TNFRSF13B: variants seen among roughly 807,000 people sequenced by gnomAD.
TNFRSF13B encodes the protein tumor necrosis factor receptor superfamily member 13B.
Under a neutral mutation model 24.0 loss-of-function variants are expected in TNFRSF13B, and 34 were observed. The observed-to-expected ratio is 1.41, with a 90% CI of 1.08 to 1.88. The LOEUF is 1.88. TNFRSF13B is among the 40% of genes most tolerant of loss of function. The probability of loss-of-function intolerance (pLI) is 0.00; values close to 1 mark genes in which losing one functional copy is unlikely to be tolerated. For synonymous variants in TNFRSF13B, 173 were observed against 150.3 expected, an observed-to-expected ratio of 1.15 and a Z score of -1.10; for missense variants, 415 against 380.8, an observed-to-expected ratio of 1.09 and a Z score of -0.75.
Position 16,948,747 on chromosome 17 carries a change from C to G in TNFRSF13B, c.436G>C (p.Ala146Pro), listed in dbSNP as rs2143656281. 6.2e-7 allele frequency: 1 copy of G among 1,614,030 alleles called. No homozygotes were observed. Among genetic ancestry groups the G allele is most frequent in the East Asian group, 2.2e-5 (1 of 44,884 alleles). The change falls in exon 3 of 5, where the codon GCA becomes CCA. Residue 146 changes from alanine (A) to proline (P), a missense_variant. Ala to Pro is a conservative substitution (Grantham distance 27, BLOSUM62 -1). Transcript: ENST00000261652. ...GCCTTGGGTGGCTTACCTGGACTTG[C>G]TTCTGAGCCTCTGTGCTCCAATCCT... ...YQGLEHRGSE[A>P]SPALPGLKLS...
intron 3 of TNFRSF13B, chr17:16,941,254 G>A (rs1597657385): frequency 1.0e-6 from 1 of 987,912 alleles, no homozygotes; most frequent in Non-Finnish European, 1.2e-6. Context: ...AGGGCCCACT[G>A]TGTTTGAGAG....
intron 1 of TNFRSF13B, among the ~76,000 whole-genome samples, chr17:16,964,194 T>C (rs2143682615): frequency 6.6e-6 from 1 of 152,166 alleles, no homozygotes; most frequent in East Asian, 1.9e-4. Context: ...AGATGGCTTT[T>C]GGTTTCTGTG....
intron 1 of TNFRSF13B, among the ~76,000 whole-genome samples, chr17:16,953,073 C>T (rs2087601445): frequency 6.6e-6 from 1 of 152,252 alleles, no homozygotes; most frequent in South Asian, 2.1e-4. Context: ...CACACTCGCA[C>T]TGCCCTTTAC....
At chr17:16,958,035 T>C (rs2087636582) in intron 1 of TNFRSF13B, among the ~76,000 whole-genome samples, 1 of 152,124 alleles carries the variant, frequency 6.6e-6, no homozygotes, top group South Asian at 2.1e-4. Flanking sequence ...AGTTAAACAG[T>C]GATTGCAAAC....
chr17:16,970,730 A>G (rs1215574041), intron 1 of TNFRSF13B, among the ~76,000 whole-genome samples: 1 of 152,200 alleles, frequency 6.6e-6, no homozygotes, highest in Non-Finnish European at 1.5e-5. Context: ...CTGCCAGGTC[A>G]CAGTTCTAGC....
Position 16,940,326 on chromosome 17 carries a change from C to G in TNFRSF13B, c.631G>C (p.Asp211His), listed in dbSNP as rs955888263. ...GAGGACCCCAGTTTCATGCACTCACCCTGGGAAGACTTGGCCGGACTTTGA... is the reference window on the plus strand; with the variant it reads ...GAGGACCCCAGTTTCATGCACTCACGCTGGGAAGACTTGGCCGGACTTTGA... ...PRQSPAKSSQDHAMEAGSPVS... is the reference protein window; with the variant it reads ...PRQSPAKSSQHHAMEAGSPVS... Residue 211 changes from aspartate to histidine, a missense_variant and splice_region_variant, in exon 4 of 5, where the codon GAT becomes CAT. Asp to His is a moderately conservative substitution (Grantham distance 81). Coordinates refer to ENST00000261652, the MANE Select transcript of TNFRSF13B (RefSeq NM_012452.3). 7 of 1,613,038 alleles carry G rather than the reference C, an allele frequency of 4.3e-6. No individual in the cohort carries two copies. The highest frequency in any genetic ancestry group is 2.2e-5 in the East Asian group (1 of 44,906).
At chr17:16,951,795 G>A (rs1401931206) in intron 2 of TNFRSF13B, among the ~76,000 whole-genome samples, 3 of 152,178 alleles carry the variant, frequency 2.0e-5, no homozygotes, top group African/African-American at 7.2e-5. Flanking sequence ...GGCTGAGGAG[G>A]GAGAATCACT....
intron 3 of TNFRSF13B, among the ~76,000 whole-genome samples, chr17:16,948,232 G>T (rs1469268698): frequency 2.0e-5 from 3 of 152,136 alleles, no homozygotes; most frequent in Non-Finnish European, 4.4e-5. Flanking sequence ...ACTACCTATT[G>T]GGTGCTATGC....
intron 3 of TNFRSF13B, among the ~76,000 whole-genome samples, chr17:16,945,223 C>G (rs1179226707): frequency 6.6e-6 from 1 of 152,234 alleles, no homozygotes; most frequent in East Asian, 1.9e-4. Flanking sequence ...CACACAGCCC[C>G]CAATGCTCAC....
In TNFRSF13B at chr17:16,939,769, C is replaced by T; in HGVS notation, c.660G>A (p.Val220=). The T allele has an allele frequency of 1.2e-6, 2 of 1,611,568 alleles. No individual in the cohort carries two copies. The highest frequency in any genetic ancestry group is 8.5e-7 in the Non-Finnish European group (1 of 1,179,030). Residue 220 remains valine (V), a synonymous_variant, in exon 5 of 5, where the codon GTG becomes GTA. Coordinates refer to ENST00000261652, the MANE Select transcript of TNFRSF13B (RefSeq NM_012452.3). ...QDHAMEAGSP[V]STSPEPVETC... ...TCTCCACTGGCTCGGGGGATGTGCT[C>T]ACAGGGCTGCCGGCTTCCATCGCGT...
chr17:16,940,187 T>C, intron 4 of TNFRSF13B, 139 bp downstream of exon 4: 1 of 1,563,268 alleles, frequency 6.4e-7, no homozygotes, highest in Non-Finnish European at 8.6e-7. Context: ...AACCTGATTT[T>C]ATCAAGGTAT....
chr17:16,958,425 T>G lies in TNFRSF13B; in HGVS notation c.62-5842A>C, dbSNP rs139692173. On this transcript the variant is annotated intron_variant, in intron 1 of 4. Coordinates refer to ENST00000261652, the MANE Select transcript of TNFRSF13B (RefSeq NM_012452.3). ...AAACTCTGCTAGTAAAAAAAAAAAT[T>G]GGCAGATTGGATTTAAAAACCCACA... is the stretch of plus-strand genomic sequence containing the variant. Among the ~76,000 whole-genome samples the G allele has an allele frequency of 2.5e-3, 384 of 151,746 alleles. 5 individuals carry two copies. Among genetic ancestry groups the G allele is most frequent in the African/African-American group, 9.0e-3 (372 of 41,380 alleles).
intron 1 of TNFRSF13B, among the ~76,000 whole-genome samples, chr17:16,962,512 C>G (rs555678467): frequency 1.3e-5 from 2 of 150,468 alleles, no homozygotes; most frequent in East Asian, 3.9e-4. Context: ...GTCTCCCCCC[C>G]CAAAAAAAAA....
intron 3 of TNFRSF13B, among the ~76,000 whole-genome samples, chr17:16,942,763 A>G (rs1352032555): frequency 6.6e-6 from 1 of 152,234 alleles, no homozygotes; most frequent in African/African-American, 2.4e-5. Context: ...TATTTCAAAC[A>G]TTTCATCATA....
At chr17:16,958,787 C>T (rs1027500063) in intron 1 of TNFRSF13B, among the ~76,000 whole-genome samples, 2 of 151,904 alleles carry the variant, frequency 1.3e-5, no homozygotes, top group Admixed American at 1.3e-4. Context: ...TGTATACACA[C>T]CTAATGACAG....
intron 1 of TNFRSF13B, among the ~76,000 whole-genome samples, chr17:16,963,643 G>A (rs2087678988): frequency 6.6e-6 from 1 of 152,134 alleles, no homozygotes; most frequent in Non-Finnish European, 1.5e-5. Context: ...TCCACCTCCT[G>A]GGTTCACGTC....
intron 4 of TNFRSF13B, 81 bp downstream of exon 4, chr17:16,940,245 G>A (rs1597656706): frequency 6.2e-7 from 1 of 1,610,994 alleles, no homozygotes; most frequent in Non-Finnish European, 8.5e-7. Context: ...AGAAGCAGGG[G>A]CAGTGACAGG....
chr17:16,945,187 C>T (rs1189236827), intron 3 of TNFRSF13B, among the ~76,000 whole-genome samples: 6 of 152,294 alleles, frequency 3.9e-5, no homozygotes, highest in Admixed American at 2.0e-4. Flanking sequence ...ATGGTAATGC[C>T]GACCCCACTG....
chr17:16,955,574 G>A (rs1436350602), intron 1 of TNFRSF13B, among the ~76,000 whole-genome samples: 1 of 152,258 alleles, frequency 6.6e-6, no homozygotes, highest in Non-Finnish European at 1.5e-5. Context: ...CTAATGATTG[G>A]AAGGACATTG....
Sources: gnomAD v4.1 joint callset for allele counts (sites outside exome capture counted in the v4.1 genomes callset) on GRCh38, gnomAD v4.1.1 for gene constraint, MANE v1.5 for transcripts, NCBI Gene and HGNC (gene_info 2026-07-23, HGNC 2026-07-21) for gene names.